Variants in HTR1F observed in about 807,000 individuals in gnomAD.
The protein encoded by HTR1F is 5-hydroxytryptamine (serotonin) receptor 1F, G protein-coupled.
HTR1F carries 17 observed loss-of-function variants against 24.0 expected under a neutral mutation model. The observed-to-expected ratio is 0.71, with a 90% CI of 0.48 to 1.06. HTR1F has a LOEUF of 1.06. Among genes scored for constraint, HTR1F ranks in the 50% least tolerant of loss-of-function variants. The probability of loss-of-function intolerance (pLI) is 0.00; values close to 1 mark genes in which losing one functional copy is unlikely to be tolerated. For synonymous variants in HTR1F, 186 were observed against 156.8 expected, an observed-to-expected ratio of 1.19 and a Z score of -1.39; for missense variants, 391 against 427.8, an observed-to-expected ratio of 0.91 and a Z score of 0.76.
intron 2 of HTR1F, among the ~76,000 whole-genome samples, chr3:87,928,435 G>C (rs956202191): frequency 6.6e-6 from 1 of 152,090 alleles, no homozygotes; most frequent in African/African-American, 2.4e-5. Flanking sequence ...CTAAGTAATA[G>C]TATAGGTGAT....
chr3:87,865,240 T>C (rs543636443), intron 2 of HTR1F, among the ~76,000 whole-genome samples: 3 of 152,338 alleles, frequency 2.0e-5, no homozygotes, highest in South Asian at 2.1e-4. Context: ...TCACTCATTT[T>C]ATTTCATAAT....
At chr3:87,949,886 T>G (rs1576079332) in intron 2 of HTR1F, among the ~76,000 whole-genome samples, 1 of 152,222 alleles carries the variant, frequency 6.6e-6, no homozygotes, top group East Asian at 1.9e-4. Context: ...GAAAGGAGTA[T>G]CTAAGGCTTG....
chr3:87,864,687 C>T (rs1440365834), intron 2 of HTR1F, among the ~76,000 whole-genome samples: 3 of 151,872 alleles, frequency 2.0e-5, no homozygotes, highest in Non-Finnish European at 4.4e-5. Flanking sequence ...CCTGAGGTCA[C>T]GAGTTCAAGA....
chr3:87,879,878 T>A (rs763164475), intron 2 of HTR1F, among the ~76,000 whole-genome samples: 61 of 152,088 alleles, frequency 4.0e-4, no homozygotes, highest in Non-Finnish European at 6.8e-4. Flanking sequence ...TTTTTTCTGT[T>A]ATCTATTCAT....
chr3:87,879,485 T>C (rs1269507794), intron 2 of HTR1F, among the ~76,000 whole-genome samples: 1 of 152,164 alleles, frequency 6.6e-6, no homozygotes, highest in South Asian at 2.1e-4. Flanking sequence ...TGGCAGTGCA[T>C]TAGCCAAGAA....
intron 2 of HTR1F, among the ~76,000 whole-genome samples, chr3:87,932,240 T>A (rs572594562): frequency 1.3e-5 from 2 of 152,290 alleles, no homozygotes; most frequent in African/African-American, 2.4e-5. Context: ...AAGGAAGGGA[T>A]CCAGTTTCAG....
At chr3:87,863,730 T>C (rs1386183138) in intron 2 of HTR1F, among the ~76,000 whole-genome samples, 1 of 152,230 alleles carries the variant, frequency 6.6e-6, no homozygotes, top group Admixed American at 6.5e-5. Flanking sequence ...TTCTACACTT[T>C]AGGTATTTGT....
intron 2 of HTR1F, among the ~76,000 whole-genome samples, chr3:87,983,584 G>A (rs113057457): frequency 1.3e-5 from 2 of 152,028 alleles, no homozygotes; most frequent in Non-Finnish European, 2.9e-5. Flanking sequence ...CTCAATGCTG[G>A]CCTATTTTCT....
At chr3:87,812,389 C>T (rs926310259) in intron 1 of HTR1F, among the ~76,000 whole-genome samples, 18 of 151,902 alleles carry the variant, frequency 1.2e-4, no homozygotes, top group Non-Finnish European at 1.9e-4. Flanking sequence ...GCAAAGGTCA[C>T]GCTTACTATG....
intron 2 of HTR1F, among the ~76,000 whole-genome samples, chr3:87,844,652 A>G (rs1350788043): frequency 5.4e-5 from 7 of 129,290 alleles, no homozygotes; most frequent in Non-Finnish European, 7.8e-5. Context: ...TAGGGTTTTT[A>G]TGGTTTTAGG....
At chr3:87,957,704 T>C (rs1349072341) in intron 2 of HTR1F, among the ~76,000 whole-genome samples, 7 of 151,406 alleles carry the variant, frequency 4.6e-5, no homozygotes, top group Admixed American at 2.6e-4. Context: ...TTCTTAATAC[T>C]CTTTTTTTAT....
chr3:87,807,853 C>T (rs887590663), intron 1 of HTR1F, among the ~76,000 whole-genome samples: 2 of 151,902 alleles, frequency 1.3e-5, no homozygotes, highest in Non-Finnish European at 2.9e-5. Context: ...TTATTAAATG[C>T]TTCTTCCATG....
chr3:87,850,352 G>A (rs140245776), intron 2 of HTR1F, among the ~76,000 whole-genome samples: 23,662 of 151,630 alleles, frequency 0.16, 2,236 homozygotes, highest in African/African-American at 0.24. Context: ...GCAAACTATC[G>A]CAAGGACAAA....
chr3:87,805,658 CT>C (rs1704061907), intron 1 of HTR1F, among the ~76,000 whole-genome samples: 1 of 151,954 alleles, frequency 6.6e-6, no homozygotes, highest in South Asian at 2.1e-4. Flanking sequence ...CTTCTAACTA[CT>C]TTGAAATATG....
intron 1 of HTR1F, among the ~76,000 whole-genome samples, chr3:87,817,925 C>A (rs1289005300): frequency 6.6e-6 from 1 of 152,108 alleles, no homozygotes; most frequent in Admixed American, 6.6e-5. Context: ...AAATATTTTT[C>A]ATCAAAGATG....
intron 2 of HTR1F, among the ~76,000 whole-genome samples, chr3:87,989,510 C>T (rs1380858070): frequency 6.6e-6 from 1 of 152,180 alleles, no homozygotes; most frequent in Non-Finnish European, 1.5e-5. Flanking sequence ...CTGACATTTT[C>T]CTAATTTCAT....
At chr3:87,975,041 A>C (rs1470190205) in intron 2 of HTR1F, among the ~76,000 whole-genome samples, 4 of 152,160 alleles carry the variant, frequency 2.6e-5, no homozygotes, top group Non-Finnish European at 5.9e-5. Context: ...TTATAATTTT[A>C]TCTAAAACAT....
intron 2 of HTR1F, among the ~76,000 whole-genome samples, chr3:87,938,692 G>C (rs896392922): frequency 2.6e-5 from 4 of 152,102 alleles, no homozygotes; most frequent in Non-Finnish European, 4.4e-5. Flanking sequence ...ATGGGGAAAG[G>C]ACTCCCTATT....
intron 2 of HTR1F, among the ~76,000 whole-genome samples, chr3:87,925,328 T>A (rs1010249256): frequency 9.9e-5 from 15 of 152,108 alleles, no homozygotes; most frequent in African/African-American, 3.6e-4. Flanking sequence ...GAGGCTGTTG[T>A]GGGTGCTGGG....
Sources: gnomAD v4.1 joint callset for allele counts (sites outside exome capture counted in the v4.1 genomes callset) on GRCh38, gnomAD v4.1.1 for gene constraint, MANE v1.5 for transcripts, NCBI Gene and HGNC (gene_info 2026-07-23, HGNC 2026-07-21) for gene names.